The following TTC39B variants were observed in gnomAD, a reference collection of about 807,000 sequenced individuals.
The protein encoded by TTC39B is tetratricopeptide repeat domain 39B.
TTC39B carries 92 observed loss-of-function variants against 96.6 expected under a neutral mutation model. That is an observed-to-expected ratio of 0.95 (90% CI 0.80 to 1.13). The LOEUF (loss-of-function observed/expected upper bound fraction) is 1.13, where lower values mean the gene tolerates loss of function less well. TTC39B is among the 50% of genes most tolerant of loss of function. The pLI is 0.00. For synonymous variants in TTC39B, 367 were observed against 299.4 expected (o/e 1.23, Z -2.33); for missense variants, 955 against 809.3 (o/e 1.18, Z -2.18).
chr9:15,225,881 C>A lies in TTC39B; in HGVS notation c.371+36G>T, dbSNP rs188738420. ...TCCTTCAAGGGTGGGACTGTCCTCC[C>A]CTCTTCCCCCAGGAATGCCCACAAC... On this transcript the variant is annotated intron_variant, in intron 3 of 19. Transcript: ENST00000512701. The A allele has an allele frequency of 3.0e-5, 47 of 1,587,422 alleles. No individual in the cohort carries two copies. The East Asian group carries it at 9.8e-4, about 33-fold the overall frequency.
intron 1 of TTC39B, among the ~76,000 whole-genome samples, chr9:15,271,998 C>T (rs1160773993): frequency 6.6e-6 from 1 of 152,286 alleles, no homozygotes; most frequent in East Asian, 1.9e-4. Context: ...GATGTGGGGT[C>T]CACGTGGAGG....
chr9:15,269,031 C>T (rs1377038845), intron 1 of TTC39B, among the ~76,000 whole-genome samples: 1 of 152,184 alleles, frequency 6.6e-6, no homozygotes, highest in African/African-American at 2.4e-5. Flanking sequence ...ACAAGTCAAA[C>T]ATCCCACAGC....
At chr9:15,183,898 G>A (rs1316457693) in intron 16 of TTC39B, among the ~76,000 whole-genome samples, 1 of 152,188 alleles carries the variant, frequency 6.6e-6, no homozygotes, top group Non-Finnish European at 1.5e-5. Context: ...GAATGGGCCT[G>A]TCTGATGCTG....
At chr9:15,222,914 C>T (rs934926398) in intron 3 of TTC39B, among the ~76,000 whole-genome samples, 3 of 152,182 alleles carry the variant, frequency 2.0e-5, no homozygotes, top group African/African-American at 7.2e-5. Context: ...CAACAGGTCT[C>T]CCACCTCTAA....
chr9:15,267,855 T>C (rs1823192970), intron 2 of TTC39B, 59 bp downstream of exon 2: 1 of 1,460,502 alleles, frequency 6.8e-7, no homozygotes, highest in African/African-American at 1.4e-5. Flanking sequence ...ATTTACTTTT[T>C]ATGTAAGACA....
At chr9:15,249,812 A>C in intron 2 of TTC39B, 3 of 906,890 alleles carry the variant, frequency 3.3e-6, no homozygotes, top group South Asian at 2.4e-5. Context: ...ATTTAACTGG[A>C]GTTTAAAAAA....
At chr9:15,265,771 A>T (rs901742872) in intron 2 of TTC39B, among the ~76,000 whole-genome samples, 1 of 152,218 alleles carries the variant, frequency 6.6e-6, no homozygotes, top group South Asian at 2.1e-4. Flanking sequence ...CTATGATGTG[A>T]TAAGAATGGC....
At chr9:15,287,945 C>CAAAAAAAAAAAAAAAAAAAAAAA (rs762069142) in intron 1 of TTC39B, among the ~76,000 whole-genome samples, 1 of 68,950 alleles carries the variant, frequency 1.5e-5, no homozygotes, top group Non-Finnish European at 2.6e-5. Context: ...GACTCCATCT[C>CAAAAAAAAAAAAAAAAAAAAAAA]AAAAAAAAAA....
chr9:15,233,888 T>C (rs1233632423), intron 2 of TTC39B, among the ~76,000 whole-genome samples: 5 of 149,264 alleles, frequency 3.3e-5, no homozygotes, highest in East Asian at 2.0e-4. Context: ...TCTGCCTGGC[T>C]GCCATCCCAT....
exon 20 of TTC39B, chr9:15,170,428 G>C (rs1217090227): frequency 6.6e-6 from 1 of 152,048 alleles, no homozygotes. Flanking sequence ...CTTTTGTGTT[G>C]ATACTGTAAT....
intron 1 of TTC39B, among the ~76,000 whole-genome samples, chr9:15,277,507 C>T (rs1325662069): frequency 6.6e-6 from 1 of 152,156 alleles, no homozygotes; most frequent in African/African-American, 2.4e-5. Flanking sequence ...AGTTATGGAA[C>T]CTCTGCTCAC....
intron 2 of TTC39B, among the ~76,000 whole-genome samples, chr9:15,263,208 A>G (rs1362831977): frequency 2.0e-5 from 3 of 152,164 alleles, no homozygotes; most frequent in East Asian, 3.8e-4. Flanking sequence ...TATGTCTCCT[A>G]TTGGTTCTAT....
chr9:15,243,827 C>T (rs989864350), intron 2 of TTC39B, among the ~76,000 whole-genome samples: 2 of 152,312 alleles, frequency 1.3e-5, no homozygotes, highest in East Asian at 3.9e-4. Flanking sequence ...ACAGCCTAAG[C>T]CCAGGAGTTC....
At chr9:15,275,252 G>A (rs1213636127) in intron 1 of TTC39B, among the ~76,000 whole-genome samples, 1 of 152,118 alleles carries the variant, frequency 6.6e-6, no homozygotes, top group East Asian at 1.9e-4. Flanking sequence ...GGTTGGTAAG[G>A]CTGGTCTTGA....
At chr9:15,167,028 A>ATTTTTTTT (rs549150155) in exon 20 of TTC39B, 3 of 11,030 alleles carry the variant, frequency 2.7e-4, no homozygotes, top group African/African-American at 5.7e-4. Context: ...ATATATATAT[A>ATTTTTTTT]TTTTTTTTTT....
intron 1 of TTC39B, among the ~76,000 whole-genome samples, chr9:15,283,971 G>T (rs1160497694): frequency 2.0e-5 from 3 of 152,090 alleles, no homozygotes; most frequent in Non-Finnish European, 4.4e-5. Context: ...AAGAGTAAAA[G>T]ATTTTGCTAC....
chr9:15,286,808 T>C (rs1587011018), intron 1 of TTC39B, among the ~76,000 whole-genome samples: 1 of 152,320 alleles, frequency 6.6e-6, no homozygotes, highest in African/African-American at 2.4e-5. Flanking sequence ...TATTTCTTTA[T>C]CATCCATATG....
intron 2 of TTC39B, among the ~76,000 whole-genome samples, chr9:15,257,710 A>C (rs1210985377): frequency 1.3e-5 from 2 of 151,034 alleles, no homozygotes; most frequent in African/African-American, 4.8e-5. Context: ...GGCCTCCCAA[A>C]GTGCTGGGAT....
rs947087243 is a variant in TTC39B at position 15,182,187 on chromosome 9, C to T, written c.1723+120G>A. ...TGCAATCACCCAGACCCCTGCAGCT[C>T]AAGCTCTTTGTCCTTGGGATGTACA... On this transcript the variant is annotated intron_variant, in intron 17 of 19. Coordinates refer to ENST00000512701, the Ensembl canonical transcript of TTC39B. The T allele has an allele frequency of 5.1e-6, 3 of 584,606 alleles. No individual in the cohort carries two copies. The African/African-American group carries it at 5.8e-5, about 11-fold the overall frequency. The allele number at this position is 584,606 out of a possible 1,614,324, so 36.2% of individuals were successfully genotyped here.
Sources: allele counts gnomAD v4.1 joint callset (sites outside exome capture counted in the v4.1 genomes callset), GRCh38; gene constraint gnomAD v4.1.1; transcripts MANE v1.5; gene names NCBI Gene and HGNC (gene_info 2026-07-23, HGNC 2026-07-21).